The following PCDHGB2 variants were observed in gnomAD, a reference collection of about 807,000 sequenced individuals.
The protein encoded by PCDHGB2 is protocadherin gamma subfamily B, 2, also known as protocadherin gamma-B2.
Under a neutral mutation model 59.3 loss-of-function variants are expected in PCDHGB2, and 55 were observed. That is an observed-to-expected ratio of 0.93 (90% CI 0.75 to 1.16). PCDHGB2 has a LOEUF of 1.16. Among genes scored for constraint, PCDHGB2 ranks in the 50% most tolerant of loss-of-function variants. The pLI is 0.00. For synonymous variants in PCDHGB2, 516 were observed against 512.0 expected, an observed-to-expected ratio of 1.01 and a Z score of -0.11; for missense variants, 1,228 against 1,198.5, an observed-to-expected ratio of 1.02 and a Z score of -0.36.
rs766260971 is a variant in PCDHGB2 at position 141,365,497 on chromosome 5, T to A, written c.2421+2941T>A. On this transcript the variant is annotated intron_variant, in intron 1 of 3. Transcript: ENST00000522605. ...AGATTGCATGCTCTATTCCTAGGAA[T>A]TTGCCTTTTAAATTGGAGAAGTCAG... 3.1e-6 allele frequency: 5 copies of A among 1,613,978 alleles called. No homozygotes were observed. The South Asian group carries it at 4.4e-5, about 14-fold the overall frequency.
intron 1 of PCDHGB2, chr5:141,392,972 G>T: frequency 6.2e-7 from 1 of 1,613,920 alleles, no homozygotes. Context: ...AGGACCTGGG[G>T]CTGGACCCCC....
At chr5:141,483,670 A>G (rs1158511173) in intron 1 of PCDHGB2, among the ~76,000 whole-genome samples, 1 of 138,404 alleles carries the variant, frequency 7.2e-6, no homozygotes, top group African/African-American at 3.1e-5. Context: ...GTGTGTGTGT[A>G]AAAGAACACA....
chr5:141,415,761 T>G (rs1047830043), intron 1 of PCDHGB2: 49 of 1,399,492 alleles, frequency 3.5e-5, no homozygotes, highest in Admixed American at 1.6e-4. Context: ...TTTTTTTTTT[T>G]TTTTTTTTTT....
chr5:141,389,930 C>T (rs1255366269), intron 1 of PCDHGB2: 1 of 1,614,064 alleles, frequency 6.2e-7, no homozygotes. Context: ...CCTCTGACCT[C>T]CAGGCTGAGC....
chr5:141,402,422 T>C (rs1385083470), intron 1 of PCDHGB2, among the ~76,000 whole-genome samples: 2 of 151,998 alleles, frequency 1.3e-5, no homozygotes, highest in African/African-American at 2.4e-5. Context: ...CAGAAAAAAT[T>C]GAAGCATCAT....
At position 141,486,090 on chromosome 5, in the gene PCDHGB2, G is replaced by C. The variant is rs190955361; in HGVS notation, c.2422-8717G>C. On this transcript the variant is annotated intron_variant, in intron 1 of 3. Transcript: ENST00000522605. The surrounding 1 kb of genome is among the most constrained non-coding windows in gnomAD (Gnocchi z 5.0). ...ACTACTGGAAAGCTTACTCTTTTGG[G>C]GCCCCTAGACTTTGAGAGTGAGAAT... 4 of 1,614,086 alleles carry C rather than the reference G, an allele frequency of 2.5e-6. No individual in the cohort carries two copies. The Admixed American group carries it at 6.7e-5, about 27-fold the overall frequency.
intron 1 of PCDHGB2, chr5:141,419,971 C>T (rs1254783575): frequency 1.2e-6 from 2 of 1,613,942 alleles, no homozygotes; most frequent in African/African-American, 2.7e-5. Context: ...TGCTCTTTCT[C>T]CTCGCGGTGA....
chr5:141,448,545 A>T lies in PCDHGB2; in HGVS notation c.2422-46262A>T, dbSNP rs537259621. On this transcript the variant is annotated intron_variant, in intron 1 of 3. Coordinates refer to ENST00000522605, the MANE Select transcript of PCDHGB2 (RefSeq NM_018923.3). ...AGCATCCTGTCAGCATTTCTTATGC[A>T]AATATGTACATATATTTTTATTTCC... 1.5e-4 allele frequency among the ~76,000 whole-genome samples: 23 copies of T among 152,334 alleles called. 1 individual carries two copies. The South Asian group carries it at 2.7e-3, about 18-fold the overall frequency.
rs907427230 is a variant in PCDHGB2, at chr5:141,489,936, G to A, written c.2422-4871G>A. 4 of 1,614,096 alleles carry A rather than the reference G, an allele frequency of 2.5e-6. No homozygotes were observed. In the African/African-American group the frequency reaches 5.3e-5, roughly 22 times the overall value. ...GGACCACCCTTATCTCTGTCATCGT[G>A]CTGGACATCAATGATAATGCTCCAA... is the stretch of plus-strand genomic sequence containing the variant. On this transcript the variant is annotated intron_variant, in intron 1 of 3. Coordinates refer to ENST00000522605, the MANE Select transcript of PCDHGB2 (RefSeq NM_018923.3). This position sits in a 1 kb window ranked among gnomAD's most constrained non-coding sequence, Gnocchi z 4.5.
intron 1 of PCDHGB2, chr5:141,393,783 G>C: frequency 6.2e-7 from 1 of 1,613,982 alleles, no homozygotes. Context: ...AGCCGAAGAT[G>C]TGGGGGCACT....
intron 1 of PCDHGB2, chr5:141,478,167 G>A: frequency 6.2e-7 from 1 of 1,613,772 alleles, no homozygotes; most frequent in Non-Finnish European, 8.5e-7. Context: ...TCTGCCCCCC[G>A]GGAGCAGAAA....
intron 1 of PCDHGB2, chr5:141,420,568 T>C (rs2096507107): frequency 8.5e-6 from 2 of 235,080 alleles, no homozygotes; most frequent in African/African-American, 2.3e-5. Flanking sequence ...CGGCATGGTA[T>C]TTTAATTGAA....
At position 141,477,177 on chromosome 5, in the gene PCDHGB2, T is replaced by C; in HGVS notation, c.2422-17630T>C. The C allele has an allele frequency of 6.2e-7, 1 of 1,614,160 alleles. No individual in the cohort carries two copies. On this transcript the variant is annotated intron_variant, in intron 1 of 3. Coordinates refer to ENST00000522605, the MANE Select transcript of PCDHGB2 (RefSeq NM_018923.3). This position sits in a 1 kb window ranked among gnomAD's most constrained non-coding sequence, Gnocchi z 4.9. Reference sequence around the variant, plus strand: ...AATGACAACGCCCCGGAGATCACAGTCACCTCCGTGTACAGCCCAGTACCC... The same window carrying C: ...AATGACAACGCCCCGGAGATCACAGCCACCTCCGTGTACAGCCCAGTACCC...
At chr5:141,422,907 G>A in intron 1 of PCDHGB2, 1 of 1,614,196 alleles carries the variant, frequency 6.2e-7, no homozygotes, top group Non-Finnish European at 8.5e-7. Context: ...ACGACAATGC[G>A]CCCGAGATCC....
At position 141,384,265 on chromosome 5, in the gene PCDHGB2, T is replaced by C. The variant is rs553615154; in HGVS notation, c.2421+21709T>C. 81 of 1,613,814 alleles carry C rather than the reference T, an allele frequency of 5.0e-5. No individual in the cohort carries two copies. In the South Asian group the frequency reaches 7.4e-4, roughly 15 times the overall value. Reference sequence around the variant, plus strand: ...TAACCCACCCACCTTCCCCCACTCATCCTACTCAGTCTACATCGCTGAGAA... The same window carrying C: ...TAACCCACCCACCTTCCCCCACTCACCCTACTCAGTCTACATCGCTGAGAA... On this transcript the variant is annotated intron_variant, in intron 1 of 3. Coordinates refer to ENST00000522605, the MANE Select transcript of PCDHGB2 (RefSeq NM_018923.3).
intron 1 of PCDHGB2, among the ~76,000 whole-genome samples, chr5:141,369,266 C>T (rs1021396846): frequency 2.0e-5 from 3 of 152,132 alleles, no homozygotes; most frequent in African/African-American, 7.2e-5. Context: ...ATTATAAGGA[C>T]TTACAATTCA....
chr5:141,414,348 G>A (rs1390188717), intron 1 of PCDHGB2: 1 of 1,613,818 alleles, frequency 6.2e-7, no homozygotes, highest in South Asian at 1.1e-5. Flanking sequence ...GTTCCATTTT[G>A]GCGTATCTAC....
intron 1 of PCDHGB2, chr5:141,426,519 C>T: frequency 8.8e-6 from 3 of 341,848 alleles, no homozygotes; most frequent in South Asian, 6.9e-5. Flanking sequence ...TTACCGTGAA[C>T]ACGGAGAATG....
At chr5:141,428,362 G>T (rs868168419) in intron 1 of PCDHGB2, 2 of 556,756 alleles carry the variant, frequency 3.6e-6, no homozygotes, top group Non-Finnish European at 6.6e-6. Context: ...TTTGGCGGTC[G>T]CCTTGCACCT....
Sources: gnomAD v4.1 joint callset for allele counts (sites outside exome capture counted in the v4.1 genomes callset) on GRCh38, gnomAD v4.1.1 for gene constraint, Gnocchi (gnomAD v3.1) non-coding constraint, MANE v1.5 for transcripts, NCBI Gene and HGNC (gene_info 2026-07-23, HGNC 2026-07-21) for gene names.